The following CLIC5 variants were observed in gnomAD, a reference collection of about 807,000 sequenced individuals.
CLIC5 encodes the protein chloride intracellular channel protein 5.
A neutral mutation model predicts 24.7 loss-of-function variants in CLIC5; 20 were observed. The observed-to-expected ratio is 0.81, with a 90% confidence interval of 0.57 to 1.18. CLIC5 has a LOEUF of 1.18. CLIC5 is among the 50% of genes most tolerant of loss of function. CLIC5 has a pLI of 0.00. For missense variants in CLIC5, 341 were observed against 326.1 expected (o/e 1.05, Z -0.35); for synonymous variants, 159 against 135.6 (o/e 1.17, Z -1.20).
At chr6:45,924,932 G>T (rs963921922) in intron 4 of CLIC5, among the ~76,000 whole-genome samples, 1 of 152,150 alleles carries the variant, frequency 6.6e-6, no homozygotes, top group African/African-American at 2.4e-5. Context: ...GATGCGGCTG[G>T]CATTGTCTGG....
At chr6:45,959,503 G>A (rs1764777131) in intron 1 of CLIC5, among the ~76,000 whole-genome samples, 1 of 152,052 alleles carries the variant, frequency 6.6e-6, no homozygotes, top group African/African-American at 2.4e-5. Context: ...GTATTTAGTT[G>A]GGGTATATGG....
chr6:45,903,362 A>C, intron 5 of CLIC5, 107 bp from the exon 6 acceptor site: 1 of 893,170 alleles, frequency 1.1e-6, no homozygotes, highest in South Asian at 2.0e-5. Context: ...ACCTCCGTGC[A>C]TCACCACGGG....
At chr6:46,049,211 T>C (rs1768037959) in intron 1 of CLIC5, among the ~76,000 whole-genome samples, 1 of 152,186 alleles carries the variant, frequency 6.6e-6, no homozygotes, top group Non-Finnish European at 1.5e-5. Flanking sequence ...CATAATCATC[T>C]TTGGGATTCT....
chr6:46,061,769 A>G (rs1282812937), intron 1 of CLIC5, among the ~76,000 whole-genome samples: 1 of 152,246 alleles, frequency 6.6e-6, no homozygotes, highest in Non-Finnish European at 1.5e-5. Flanking sequence ...ACCAAGTTGT[A>G]TCACAGATGT....
the CLIC5 span, among the ~76,000 whole-genome samples, chr6:46,086,436 G>A: frequency 0.022 from 3,392 of 152,322 alleles, 128 homozygotes; most frequent in African/African-American, 0.076. Flanking sequence ...CAATTAGAGT[G>A]GAAGAGGGAA....
intron 5 of CLIC5, chr6:45,911,819 C>T: frequency 1.0e-6 from 1 of 985,434 alleles, no homozygotes; most frequent in Non-Finnish European, 1.2e-6. Flanking sequence ...ATGCCTCTCC[C>T]AACGAAGACC....
intron 1 of CLIC5, among the ~76,000 whole-genome samples, chr6:46,051,647 G>T (rs1038206039): frequency 6.6e-6 from 1 of 152,046 alleles, no homozygotes; most frequent in South Asian, 2.1e-4. Context: ...TCCCTTTCAC[G>T]TTCTAACTGC....
chr6:46,055,532 C>T (rs1349861533), intron 1 of CLIC5, among the ~76,000 whole-genome samples: 1 of 152,376 alleles, frequency 6.6e-6, no homozygotes, highest in South Asian at 2.1e-4. Context: ...GCCACCGCGC[C>T]AGGCCATCAG....
At chr6:46,055,157 C>T (rs1034649528) in intron 1 of CLIC5, among the ~76,000 whole-genome samples, 1 of 152,174 alleles carries the variant, frequency 6.6e-6, no homozygotes, top group Non-Finnish European at 1.5e-5. Flanking sequence ...GGCTGGAGTG[C>T]AGTGGCGCCA....
At position 45,957,229 on chromosome 6, in the gene CLIC5, T is replaced by G. The variant is rs77367479; in HGVS notation, c.64-1985A>C. Among the ~76,000 whole-genome samples the G allele has an allele frequency of 5.8e-3, 880 of 152,264 alleles. 43 individuals are homozygous for G. In the South Asian group the frequency reaches 0.079, roughly 14 times the overall value. The stretch of plus-strand genomic sequence containing the variant: ...CAAAATAGTGGACTTCTCAACTACA[T>G]AAAAAATTCATATAATAATAATGTT... On this transcript the variant is annotated intron_variant, in intron 1 of 5. Coordinates refer to ENST00000339561, the MANE Select transcript of CLIC5 (RefSeq NM_016929.5).
the CLIC5 span, among the ~76,000 whole-genome samples, chr6:46,120,501 T>C: frequency 2.0e-5 from 3 of 152,192 alleles, no homozygotes; most frequent in East Asian, 5.8e-4. Context: ...ACAGAAAAAC[T>C]GAAAATTCTA....
intron 1 of CLIC5, among the ~76,000 whole-genome samples, chr6:45,968,046 T>C (rs1239737692): frequency 2.6e-5 from 4 of 152,146 alleles, no homozygotes; most frequent in African/African-American, 9.7e-5. Flanking sequence ...CATGCTCTAT[T>C]AGGAAAACCC....
chr6:45,980,706 T>TA (rs940700803), intron 1 of CLIC5, among the ~76,000 whole-genome samples: 147 of 143,372 alleles, frequency 1.0e-3, no homozygotes, highest in East Asian at 3.2e-3. Context: ...TTCCAATAAT[T>TA]AAAAAAAAAA....
chr6:45,999,029 A>C (rs1172791228), intron 1 of CLIC5, among the ~76,000 whole-genome samples: 1 of 152,190 alleles, frequency 6.6e-6, no homozygotes, highest in African/African-American at 2.4e-5. Flanking sequence ...AACCTAGGCT[A>C]TGAGAGCTCC....
intron 1 of CLIC5, among the ~76,000 whole-genome samples, chr6:45,960,764 T>C (rs1764819260): frequency 6.6e-6 from 1 of 152,212 alleles, no homozygotes; most frequent in African/African-American, 2.4e-5. Context: ...TCCTGCTGCA[T>C]GCTGTACCGA....
chr6:46,060,307 T>G (rs1463916012), intron 1 of CLIC5, among the ~76,000 whole-genome samples: 1 of 152,182 alleles, frequency 6.6e-6, no homozygotes, highest in Admixed American at 6.5e-5. Context: ...ATTAAAAATT[T>G]TTTTAATTAA....
At chr6:46,068,405 G>T (rs894922018) in intron 1 of CLIC5, among the ~76,000 whole-genome samples, 1 of 152,074 alleles carries the variant, frequency 6.6e-6, no homozygotes, top group African/African-American at 2.4e-5. Flanking sequence ...CATTACCCTG[G>T]AGATTCCTGG....
At chr6:46,050,113 T>C (rs1768062352) in intron 1 of CLIC5, among the ~76,000 whole-genome samples, 1 of 152,190 alleles carries the variant, frequency 6.6e-6, no homozygotes, top group Non-Finnish European at 1.5e-5. Flanking sequence ...CCAATGGATG[T>C]CACTGGGCTG....
chr6:45,930,918 C>A (rs187377639), intron 4 of CLIC5, among the ~76,000 whole-genome samples: 1 of 152,298 alleles, frequency 6.6e-6, no homozygotes, highest in Admixed American at 6.5e-5. Flanking sequence ...ATTGTAGCCA[C>A]GGACTGCCTA....
Sources: allele counts gnomAD v4.1 joint callset (sites outside exome capture counted in the v4.1 genomes callset), GRCh38; gene constraint gnomAD v4.1.1; transcripts MANE v1.5; gene names NCBI Gene and HGNC (gene_info 2026-07-23, HGNC 2026-07-21).